Variants in RASEF observed in about 807,000 individuals in gnomAD.
The protein encoded by RASEF is RAS and EF-hand domain containing.
In RASEF, 68 loss-of-function variants were observed where a neutral mutation model predicts 90.1. The ratio of observed to expected loss-of-function variants is 0.75; its 90% CI spans 0.62 to 0.92. The LOEUF (loss-of-function observed/expected upper bound fraction) is 0.92. Among genes scored for constraint, RASEF ranks in the 40% least tolerant of loss-of-function variants. RASEF has a pLI of 0.00. For synonymous variants in RASEF, 331 were observed against 345.2 expected, an observed-to-expected ratio of 0.96 and a Z score of 0.46; for missense variants, 949 against 937.2, an observed-to-expected ratio of 1.01 and a Z score of -0.16.
chr9:83,175,041 C>CA, the RASEF span, among the ~76,000 whole-genome samples: 12 of 151,672 alleles, frequency 7.9e-5, no homozygotes, highest in East Asian at 1.9e-4. Flanking sequence ...GAATTTCTAC[C>CA]AAAAAAACAG....
chr9:83,015,110 A>G (rs1448486956), intron 4 of RASEF, among the ~76,000 whole-genome samples: 1 of 152,216 alleles, frequency 6.6e-6, no homozygotes, highest in Non-Finnish European at 1.5e-5. Flanking sequence ...GAAGAGCAAT[A>G]TTCATTTCAT....
chr9:83,098,395 T>C, the RASEF span, among the ~76,000 whole-genome samples: 68 of 152,234 alleles, frequency 4.5e-4, no homozygotes, highest in Non-Finnish European at 8.8e-4. Context: ...TAACCTATGA[T>C]TAATCCCACG....
At chr9:83,182,946 C>T in the RASEF span, among the ~76,000 whole-genome samples, 6 of 151,926 alleles carry the variant, frequency 3.9e-5, no homozygotes, top group Non-Finnish European at 7.4e-5. Flanking sequence ...TCACGCCAAG[C>T]GAAAGAAGAC....
chr9:83,092,615 G>A, the RASEF span, among the ~76,000 whole-genome samples: 1 of 152,288 alleles, frequency 6.6e-6, no homozygotes, highest in South Asian at 2.1e-4. Flanking sequence ...CAAAGAGTGA[G>A]CAGTAGCGAG....
chr9:83,166,882 C>G, the RASEF span, among the ~76,000 whole-genome samples: 1 of 152,114 alleles, frequency 6.6e-6, no homozygotes, highest in Non-Finnish European at 1.5e-5. Flanking sequence ...GAGCAGATCT[C>G]TTTATCTTGT....
At chr9:83,166,238 G>T in the RASEF span, among the ~76,000 whole-genome samples, 1 of 152,112 alleles carries the variant, frequency 6.6e-6, no homozygotes, top group African/African-American at 2.4e-5. Context: ...TAGTTCTAAT[G>T]AACATAGCTG....
the RASEF span, among the ~76,000 whole-genome samples, chr9:83,205,015 C>G: frequency 2.3e-4 from 35 of 152,270 alleles, 1 homozygote; most frequent in South Asian, 7.1e-3. Flanking sequence ...GAAACTCAAC[C>G]AAAGATACTC....
At chr9:83,160,854 C>T in the RASEF span, among the ~76,000 whole-genome samples, 1 of 152,138 alleles carries the variant, frequency 6.6e-6, no homozygotes, top group Non-Finnish European at 1.5e-5. Flanking sequence ...AGCTGTGACT[C>T]GAAGGGGCCC....
chr9:83,017,906 T>C (rs1223097939), intron 3 of RASEF, among the ~76,000 whole-genome samples: 1 of 152,190 alleles, frequency 6.6e-6, no homozygotes, highest in African/African-American at 2.4e-5. Flanking sequence ...AATCAATCAA[T>C]GTAATTTGCC....
the RASEF span, among the ~76,000 whole-genome samples, chr9:83,178,189 T>G: frequency 6.6e-6 from 1 of 152,168 alleles, no homozygotes; most frequent in African/African-American, 2.4e-5. Flanking sequence ...TGCTTTTTAT[T>G]GTTTACCTCT....
intron 16 of RASEF, 34 bp from the exon 17 acceptor site, chr9:82,982,816 AGAG>A: frequency 8.9e-7 from 1 of 1,117,454 alleles, no homozygotes; most frequent in Non-Finnish European, 1.4e-6. Context: ...AGAGAGAGAG[AGAG>A]AGAGAGAGAG....
the RASEF span, among the ~76,000 whole-genome samples, chr9:83,117,003 C>T: frequency 6.6e-6 from 1 of 152,134 alleles, no homozygotes; most frequent in Non-Finnish European, 1.5e-5. Context: ...AGCTACTCCT[C>T]AGCAACACAG....
the RASEF span, among the ~76,000 whole-genome samples, chr9:83,093,736 G>T: frequency 6.6e-6 from 1 of 152,218 alleles, no homozygotes; most frequent in Admixed American, 6.5e-5. Context: ...GCCTTGGCCA[G>T]CCCAGAAAGG....
At chr9:82,999,442 T>G (rs10115768) in intron 12 of RASEF, among the ~76,000 whole-genome samples, 77,074 of 151,870 alleles carry the variant, frequency 0.51, 19,729 homozygotes, top group East Asian at 0.73. Flanking sequence ...GGGATGTAAG[T>G]GCAGTGCAGG....
intron 3 of RASEF, among the ~76,000 whole-genome samples, chr9:83,021,739 T>G (rs977991492): frequency 2.0e-5 from 3 of 152,196 alleles, no homozygotes; most frequent in African/African-American, 7.2e-5. Flanking sequence ...ATTTAAAGTA[T>G]ACTAGAGGAT....
intron 9 of RASEF, among the ~76,000 whole-genome samples, chr9:83,003,536 T>C (rs1009028928): frequency 1.3e-5 from 2 of 152,228 alleles, no homozygotes; most frequent in African/African-American, 4.8e-5. Context: ...TAAAAATCGA[T>C]TATTTCTCAA....
At chr9:83,127,827 C>T in the RASEF span, among the ~76,000 whole-genome samples, 1 of 152,022 alleles carries the variant, frequency 6.6e-6, no homozygotes. Flanking sequence ...GCCATTGATG[C>T]CAAAACAAAT....
At chr9:83,204,514 G>C in the RASEF span, among the ~76,000 whole-genome samples, 1 of 152,134 alleles carries the variant, frequency 6.6e-6, no homozygotes, top group Non-Finnish European at 1.5e-5. Flanking sequence ...GGACAAAAAA[G>C]GTTCCCAGGG....
the RASEF span, chr9:83,201,255 A>G: frequency 3.9e-5 from 6 of 152,270 alleles, no homozygotes; most frequent in Non-Finnish European, 7.3e-5. Flanking sequence ...TCTCCTCCAC[A>G]CAGCCCACTG....
Sources: allele counts gnomAD v4.1 joint callset (sites outside exome capture counted in the v4.1 genomes callset), GRCh38; gene constraint gnomAD v4.1.1; transcripts MANE v1.5; gene names NCBI Gene and HGNC (gene_info 2026-07-23, HGNC 2026-07-21).